SMC6: variants seen among roughly 807,000 people sequenced by gnomAD.
SMC6 encodes structural maintenance of chromosomes protein 6.
A neutral mutation model predicts 142.2 loss-of-function variants in SMC6; 79 were observed. The observed-to-expected ratio is 0.56, with a 90% CI of 0.46 to 0.67. The LOEUF (loss-of-function observed/expected upper bound fraction) is 0.67, where lower values mean the gene tolerates loss of function less well. Ranked by LOEUF, SMC6 falls within the 30% of genes least tolerant of loss-of-function variation. The probability of loss-of-function intolerance (pLI) is 0.00; values close to 1 mark genes in which losing one functional copy is unlikely to be tolerated. For missense variants in SMC6, 1,072 were observed against 1,284.0 expected, an observed-to-expected ratio of 0.83 and a Z score of 2.52; for synonymous variants, 411 against 412.4, an observed-to-expected ratio of 1.00 and a Z score of 0.04.
rs561822628 is a variant in SMC6, at chr2:17,696,368, T to C, written c.2453A>G (p.Tyr818Cys). The C allele has an allele frequency of 6.2e-7, 1 of 1,612,126 alleles. No individual in the cohort carries two copies. The highest frequency in any genetic ancestry group is 1.1e-5 in the South Asian group (1 of 90,526). ...VDNQKRGKRH[Y>C]EEKQKEHLDT... ...CAAGTGTTCTTTTTGTTTTTCTTCATAATGTCGTTTCCCTCGTTTTTGGTT... is the reference window on the plus strand; with the variant it reads ...CAAGTGTTCTTTTTGTTTTTCTTCACAATGTCGTTTCCCTCGTTTTTGGTT... Residue 818 changes from tyrosine to cysteine, a missense_variant, in exon 22 of 28, where the codon TAT becomes TGT. This residue lies in a region of SMC6 where 994 missense variants were observed against 1,153.2 expected (regional missense o/e 0.86). Coordinates refer to ENST00000448223, the MANE Select transcript of SMC6 (RefSeq NM_001142286.2).
chr2:17,707,201 G>A lies in SMC6; in HGVS notation c.2006+18C>T. 1.3e-6 allele frequency: 2 copies of A among 1,518,728 alleles called. No homozygotes were observed. Among genetic ancestry groups the A allele is most frequent in the Non-Finnish European group, 1.8e-6 (2 of 1,133,760 alleles). 94.1% of individuals were successfully genotyped at this position (1,518,728 alleles called of 1,614,324 possible). A position where few individuals can be genotyped will look rare whatever the true frequency, so the allele number is the denominator to read the frequency against. On this transcript the variant is annotated intron_variant, in intron 18 of 27. Coordinates refer to ENST00000448223, the MANE Select transcript of SMC6 (RefSeq NM_001142286.2). ...GAAGCAGTGGGAATGATACAGTAAA[G>A]CTAAACTTGACTCTAACCTTATTTC... is the stretch of plus-strand genomic sequence containing the variant.
chr2:17,740,510 T>G (rs527397988), intron 4 of SMC6, among the ~76,000 whole-genome samples: 2 of 152,154 alleles, frequency 1.3e-5, no homozygotes, highest in Non-Finnish European at 2.9e-5. Flanking sequence ...TTGTCCACAA[T>G]GTGGTCAGTT....
At chr2:17,687,054 T>G (rs1211673040) in intron 23 of SMC6, among the ~76,000 whole-genome samples, 1 of 152,172 alleles carries the variant, frequency 6.6e-6, no homozygotes, top group East Asian at 1.9e-4. Context: ...ATACTTCTGG[T>G]TCTAGGCATT....
intron 21 of SMC6, among the ~76,000 whole-genome samples, 155 bp from the exon 22 acceptor site, chr2:17,696,581 T>C (rs1167358057): frequency 6.6e-6 from 1 of 152,204 alleles, no homozygotes; most frequent in Non-Finnish European, 1.5e-5. Flanking sequence ...GTGAGGAGTT[T>C]CCCAAATTAG....
At chr2:17,709,314 T>A (rs1266147480) in intron 16 of SMC6, among the ~76,000 whole-genome samples, 1 of 152,040 alleles carries the variant, frequency 6.6e-6, no homozygotes. Flanking sequence ...AAAGAAAAAC[T>A]GAAGTAAAGT....
chr2:17,741,555 C>A, intron 4 of SMC6, 57 bp downstream of exon 4: 2 of 1,060,930 alleles, frequency 1.9e-6, no homozygotes, highest in South Asian at 1.5e-5. Flanking sequence ...AAAAAGTTAA[C>A]GTACTCTAAT....
At position 17,716,147 on chromosome 2, in the gene SMC6, A is replaced by G; in HGVS notation, c.1464T>C (p.Leu488=). The part of the protein sequence containing the change: ...KRFGPNVPAL[L]EAIDDAYRQG... ...GTCTATAAGCATCATCTATGGCTTC[A>G]AGAAGAGCTGGAACATTAGGGCCAA... Residue 488 remains leucine, a synonymous_variant, in exon 15 of 28, where the codon CTT becomes CTC. Coordinates refer to ENST00000448223, the MANE Select transcript of SMC6 (RefSeq NM_001142286.2). The G allele has an allele frequency of 1.2e-6, 2 of 1,611,138 alleles. No homozygotes were observed. The highest frequency in any genetic ancestry group is 1.3e-5 in the African/African-American group (1 of 74,840).
intron 4 of SMC6, 84 bp from the exon 5 acceptor site, chr2:17,738,410 T>A: frequency 2.5e-6 from 2 of 802,580 alleles, no homozygotes; most frequent in African/African-American, 1.7e-5. Flanking sequence ...CAAAAAGATT[T>A]ATGAATGAGA....
Position 17,745,747 on chromosome 2 carries a change from TAA to T in SMC6, c.120+78_120+79del, listed in dbSNP as rs1670713387. The T allele has an allele frequency of 5.7e-6, 8 of 1,398,832 alleles. No individual in the cohort carries two copies. The South Asian group carries it at 7.6e-5, about 13-fold the overall frequency. 86.7% of individuals were successfully genotyped at this position (1,398,832 alleles called of 1,614,324 possible). ...AAATCATATTACTTTTTCTTGATTT[TAA>T]GTTATCACAGAATGTGATATGATGA... On this transcript the variant is annotated intron_variant, in intron 3 of 27. Transcript: ENST00000448223.
At chr2:17,670,368 T>C (rs1376334161) in intron 26 of SMC6, 55 bp downstream of exon 26, 2 of 1,540,354 alleles carry the variant, frequency 1.3e-6, no homozygotes, top group African/African-American at 2.8e-5. Flanking sequence ...CCTTTAGAAA[T>C]ACATGTTTCA....
chr2:17,700,107 C>G (rs1668197769), intron 21 of SMC6, 101 bp downstream of exon 21: 7 of 723,694 alleles, frequency 9.7e-6, no homozygotes, highest in Non-Finnish European at 1.5e-5. Flanking sequence ...ATGCTATTTA[C>G]ATTTAACCAA....
In SMC6 at chr2:17,712,960, C is replaced by T. The variant is rs191603709; in HGVS notation, c.1730+1901G>A. ...AAGCCAAAACATGGACTTTGTCATC[C>T]CCTAGACCTGTTCCATTCAACTTGA... On this transcript the variant is annotated intron_variant, in intron 16 of 27. Transcript: ENST00000448223. Among the ~76,000 whole-genome samples, 7 of 152,302 alleles carry T rather than the reference C, an allele frequency of 4.6e-5. No individual in the cohort carries two copies. In the East Asian group the frequency reaches 1.4e-3, roughly 29 times the overall value.
rs533952051 is a variant in SMC6 at position 17,670,541 on chromosome 2, T to C, written c.2945A>G (p.Asn982Ser). Residue 982 changes from asparagine (N) to serine (S), a missense_variant, in exon 26 of 28, where the codon AAT becomes AGT. Asn to Ser is a conservative substitution (Grantham distance 46). Coordinates refer to ENST00000448223, the MANE Select transcript of SMC6 (RefSeq NM_001142286.2). ...ACCTCCAGACAAGGCTCTCATGTCA[T>C]TGAAAGCAGCTTTATTTCCTTCTCC... ...QPGEGNKAAF[N>S]DMRALSGGER... 6.3e-6 allele frequency: 10 copies of C among 1,583,104 alleles called. No individual in the cohort carries two copies. The African/African-American group carries it at 8.2e-5, about 13-fold the overall frequency.
At chr2:17,752,620 T>C (rs562872698) in intron 2 of SMC6, among the ~76,000 whole-genome samples, 5 of 152,274 alleles carry the variant, frequency 3.3e-5, no homozygotes, top group Admixed American at 2.0e-4. Flanking sequence ...CAAAAGAAAT[T>C]TGAAATACAT....
At chr2:17,720,552 T>C (rs185564956) in intron 11 of SMC6, among the ~76,000 whole-genome samples, 7 of 152,352 alleles carry the variant, frequency 4.6e-5, no homozygotes, top group African/African-American at 1.7e-4. Flanking sequence ...TTTCTGATAC[T>C]TACCTTTAAT....
intron 13 of SMC6, 50 bp from the exon 14 acceptor site, chr2:17,716,955 A>C: frequency 6.4e-7 from 1 of 1,562,494 alleles, no homozygotes; most frequent in Non-Finnish European, 8.7e-7. Flanking sequence ...TGAACAGCCT[A>C]ACATTTAAAG....
At chr2:17,746,861 A>C (rs531311890) in intron 2 of SMC6, among the ~76,000 whole-genome samples, 1 of 152,308 alleles carries the variant, frequency 6.6e-6, no homozygotes, top group East Asian at 1.9e-4. Flanking sequence ...TCTCTAACAT[A>C]ATCAAAAATT....
intron 14 of SMC6, 85 bp from the exon 15 acceptor site, chr2:17,716,349 A>C (rs1669084003): frequency 6.3e-6 from 8 of 1,279,024 alleles, no homozygotes; most frequent in Non-Finnish European, 8.6e-6. Flanking sequence ...CCTACATCCC[A>C]GTGAACGACC....
intron 16 of SMC6, among the ~76,000 whole-genome samples, chr2:17,711,390 A>G (rs1216280054): frequency 5.9e-5 from 9 of 152,180 alleles, no homozygotes; most frequent in African/African-American, 1.7e-4. Context: ...GTTCACAAAC[A>G]ATGTTAAGCA....
Sources: allele counts gnomAD v4.1 joint callset (sites outside exome capture counted in the v4.1 genomes callset), GRCh38; gene constraint gnomAD v4.1.1; regional missense constraint gnomAD v4.1.1; transcripts MANE v1.5; gene names NCBI Gene and HGNC (gene_info 2026-07-23, HGNC 2026-07-21).